Variants in FRY observed in about 807,000 individuals in gnomAD.
FRY encodes the protein FRY microtubule binding protein.
In FRY, 128 loss-of-function variants were observed where a neutral mutation model predicts 348.4. The ratio of observed to expected loss-of-function variants is 0.37; its 90% CI spans 0.32 to 0.43. The LOEUF is 0.43. Among genes scored for constraint, FRY ranks in the 20% least tolerant of loss-of-function variants. FRY has a pLI of 1.00. For synonymous variants in FRY, 1,370 were observed against 1,374.7 expected, an observed-to-expected ratio of 1.00 and a Z score of 0.08; for missense variants, 2,736 against 3,695.2, an observed-to-expected ratio of 0.74 and a Z score of 6.73.
chr13:32,161,555 G>T (rs1881444338), intron 17 of FRY, among the ~76,000 whole-genome samples: 1 of 152,150 alleles, frequency 6.6e-6, no homozygotes, highest in African/African-American at 2.4e-5. Context: ...ACTGGGGAAG[G>T]CAACAAATAA....
intron 35 of FRY, 72 bp from the exon 36 acceptor site, chr13:32,218,677 C>CAAA (rs10717683): frequency 0.011 from 6,330 of 573,206 alleles, 41 homozygotes; most frequent in Non-Finnish European, 0.014. Context: ...GACTCCAACT[C>CAAA]AAAAAAAAAA....
At chr13:32,110,939 T>C (rs1877913584) in intron 3 of FRY, among the ~76,000 whole-genome samples, 1 of 152,186 alleles carries the variant, frequency 6.6e-6, no homozygotes, top group South Asian at 2.1e-4. Context: ...CCTACTATGC[T>C]TTGGCATTTC....
At chr13:32,037,558 T>C (rs761390517) in intron 1 of FRY, among the ~76,000 whole-genome samples, 1 of 152,216 alleles carries the variant, frequency 6.6e-6, no homozygotes, top group Admixed American at 6.5e-5. Context: ...TTGCCTGCTC[T>C]TGAATGCTGC....
intron 56 of FRY, among the ~76,000 whole-genome samples, chr13:32,276,165 T>C (rs1446893742): frequency 6.6e-6 from 1 of 152,342 alleles, no homozygotes; most frequent in East Asian, 1.9e-4. Flanking sequence ...GTAGAAGTCG[T>C]GTATAAAATG....
At chr13:32,261,934 A>C in intron 52 of FRY, 118 bp downstream of exon 52, 1 of 942,668 alleles carries the variant, frequency 1.1e-6, no homozygotes, top group Non-Finnish European at 1.7e-6. Context: ...CTAAAATCGG[A>C]ACTGTCAGGT....
At chr13:32,244,600 T>A (rs185395532) in intron 47 of FRY, among the ~76,000 whole-genome samples, 148 of 152,340 alleles carry the variant, frequency 9.7e-4, no homozygotes, top group African/African-American at 3.3e-3. Context: ...AGGCTAAAAC[T>A]GTCACTTTAG....
At chr13:32,198,218 G>C (rs994752459) in intron 29 of FRY, among the ~76,000 whole-genome samples, 20 of 152,084 alleles carry the variant, frequency 1.3e-4, no homozygotes, top group African/African-American at 4.3e-4. Flanking sequence ...CTAGTAAGAG[G>C]GAGGCTTTGT....
At position 32,187,599 on chromosome 13, in the gene FRY, C is replaced by T. The variant is rs780703445; in HGVS notation, c.3534C>T (p.Ser1178=). The stretch of plus-strand genomic sequence containing the variant: ...CTGTCTTTGACAATGTGGGCCTTTC[C>T]CCAGATGGCTACCTATATAAATGGC... ...CGPVFDNVGL[S]PDGYLYKWLD... The change falls in exon 28 of 61, where the codon TCC becomes TCT. Residue 1178 remains serine, a synonymous_variant. Coordinates refer to ENST00000542859, the MANE Select transcript of FRY (RefSeq NM_023037.3). The T allele has an allele frequency of 1.2e-6, 2 of 1,612,874 alleles. No individual in the cohort carries two copies. The highest frequency in any genetic ancestry group is 2.2e-5 in the East Asian group (1 of 44,860).
intron 58 of FRY, among the ~76,000 whole-genome samples, chr13:32,280,357 A>G (rs1888748815): frequency 6.6e-6 from 1 of 152,238 alleles, no homozygotes; most frequent in South Asian, 2.1e-4. Flanking sequence ...CTATATATGC[A>G]TCTGTGATGT....
intron 11 of FRY, among the ~76,000 whole-genome samples, chr13:32,145,541 T>TG (rs1880371275): frequency 8.7e-6 from 1 of 115,332 alleles, no homozygotes; most frequent in Admixed American, 8.7e-5. Context: ...TTTTTTTTTT[T>TG]TTTTTTTTTT....
At chr13:32,033,558 C>A (rs1213197157) in intron 1 of FRY, among the ~76,000 whole-genome samples, 1 of 152,218 alleles carries the variant, frequency 6.6e-6, no homozygotes, top group Non-Finnish European at 1.5e-5. Context: ...CTCCTCTCCC[C>A]ACATACATAC....
chr13:32,042,352 T>C (rs914316125), intron 1 of FRY, among the ~76,000 whole-genome samples: 2 of 152,280 alleles, frequency 1.3e-5, no homozygotes, highest in Non-Finnish European at 2.9e-5. Context: ...TTCAGTGTTA[T>C]GGTTATTACA....
At chr13:32,042,645 T>C (rs1872804662) in intron 1 of FRY, among the ~76,000 whole-genome samples, 1 of 152,144 alleles carries the variant, frequency 6.6e-6, no homozygotes, top group South Asian at 2.1e-4. Context: ...CCAAATATCT[T>C]TGCTTCACTT....
intron 51 of FRY, among the ~76,000 whole-genome samples, chr13:32,258,715 CTT>C (rs1491507528): frequency 6.8e-6 from 1 of 147,908 alleles, no homozygotes; most frequent in African/African-American, 2.7e-5. Flanking sequence ...CTATCTCTAT[CTT>C]TGTGTAGTGA....
At chr13:32,145,304 G>C (rs564463164) in intron 11 of FRY, among the ~76,000 whole-genome samples, 9 of 152,260 alleles carry the variant, frequency 5.9e-5, no homozygotes, top group Admixed American at 2.6e-4. Flanking sequence ...GATTGACTTA[G>C]GGAGACTGTT....
At chr13:32,233,558 A>G (rs1214769143) in intron 41 of FRY, among the ~76,000 whole-genome samples, 1 of 152,250 alleles carries the variant, frequency 6.6e-6, no homozygotes, top group Admixed American at 6.5e-5. Context: ...CACAGTATCT[A>G]CACTTCAATA....
At chr13:32,242,422 A>C (rs1020344959) in intron 46 of FRY, among the ~76,000 whole-genome samples, 1 of 152,040 alleles carries the variant, frequency 6.6e-6, no homozygotes, top group African/African-American at 2.4e-5. Context: ...TTATTTTTTA[A>C]TTTAACACTT....
chr13:32,229,481 G>A (rs1885791531), intron 40 of FRY, among the ~76,000 whole-genome samples: 1 of 152,190 alleles, frequency 6.6e-6, no homozygotes. Flanking sequence ...AGGTTATTTT[G>A]TGCAGCTCTC....
chr13:32,064,987 T>A (rs930697655), intron 1 of FRY, among the ~76,000 whole-genome samples: 3 of 152,224 alleles, frequency 2.0e-5, no homozygotes, highest in African/African-American at 7.2e-5. Context: ...CAGGCCAACA[T>A]TCAGTTATGC....
Sources: gnomAD v4.1 joint callset for allele counts (sites outside exome capture counted in the v4.1 genomes callset) on GRCh38, gnomAD v4.1.1 for gene constraint, MANE v1.5 for transcripts, NCBI Gene and HGNC (gene_info 2026-07-23, HGNC 2026-07-21) for gene names.